The following CRACD variants were observed in gnomAD, a reference collection of about 807,000 sequenced individuals.
CRACD encodes capping protein-inhibiting regulator of actin dynamics.
CRACD carries 56 observed loss-of-function variants against 106.8 expected under a neutral mutation model. That is an observed-to-expected ratio of 0.52 (90% confidence interval 0.42 to 0.66). The LOEUF (loss-of-function observed/expected upper bound fraction) is 0.66, where lower values mean the gene tolerates loss of function less well. Among genes scored for constraint, CRACD ranks in the 30% least tolerant of loss-of-function variants. The probability of loss-of-function intolerance (pLI) is 0.00; values close to 1 mark genes in which losing one functional copy is unlikely to be tolerated. For missense variants in CRACD, 1,730 were observed against 1,623.2 expected (o/e 1.07, Z -1.13); for synonymous variants, 754 against 670.8 (o/e 1.12, Z -1.92).
chr4:56,153,200 G>T (rs770397437), intron 1 of CRACD, among the ~76,000 whole-genome samples: 5 of 151,860 alleles, frequency 3.3e-5, no homozygotes, highest in Non-Finnish European at 7.4e-5. Flanking sequence ...AATCGCCTGA[G>T]CCTAGGAGGC....
chr4:56,077,892 G>T (rs1351115795), intron 1 of CRACD, among the ~76,000 whole-genome samples: 1 of 152,150 alleles, frequency 6.6e-6, no homozygotes, highest in Non-Finnish European at 1.5e-5. Context: ...CAGCTGCTTT[G>T]CCTGCAGGTA....
intron 1 of CRACD, among the ~76,000 whole-genome samples, chr4:56,111,827 T>A (rs941392358): frequency 6.6e-6 from 1 of 152,214 alleles, no homozygotes; most frequent in Non-Finnish European, 1.5e-5. Context: ...CTGAAAAGTT[T>A]GAAATATTAA....
intron 1 of CRACD, among the ~76,000 whole-genome samples, chr4:56,075,222 C>T (rs1732799763): frequency 6.6e-6 from 1 of 151,930 alleles, no homozygotes; most frequent in Non-Finnish European, 1.5e-5. Context: ...GGGAGGAGTC[C>T]CTCTTTTTCT....
At chr4:56,091,384 G>A (rs1426965905) in intron 1 of CRACD, among the ~76,000 whole-genome samples, 26 of 147,436 alleles carry the variant, frequency 1.8e-4, no homozygotes, top group South Asian at 8.7e-4. Context: ...TTTTTTAAAC[G>A]CAGGCATATG....
chr4:56,140,401 A>G (rs1735152314), intron 1 of CRACD, among the ~76,000 whole-genome samples: 1 of 152,198 alleles, frequency 6.6e-6, no homozygotes, highest in Non-Finnish European at 1.5e-5. Context: ...ACCTTCTATT[A>G]GAGTTGTCCT....
At chr4:56,085,489 A>G (rs1271233033) in intron 1 of CRACD, among the ~76,000 whole-genome samples, 2 of 152,190 alleles carry the variant, frequency 1.3e-5, no homozygotes, top group East Asian at 3.8e-4. Context: ...TGTAGGCTCA[A>G]AAACATCTCT....
chr4:56,093,153 G>T (rs1733480772), intron 1 of CRACD, among the ~76,000 whole-genome samples: 1 of 152,156 alleles, frequency 6.6e-6, no homozygotes, highest in African/African-American at 2.4e-5. Context: ...TCTGTTAAAT[G>T]AGACCCATAA....
intron 2 of CRACD, among the ~76,000 whole-genome samples, chr4:56,216,785 C>T (rs1463863368): frequency 1.0e-4 from 15 of 150,670 alleles, no homozygotes; most frequent in Non-Finnish European, 1.5e-5. Context: ...TCGAGACCAT[C>T]CTGGCTAACA....
intron 2 of CRACD, among the ~76,000 whole-genome samples, chr4:56,244,633 G>A (rs540530212): frequency 3.3e-5 from 5 of 152,200 alleles, no homozygotes; most frequent in Admixed American, 2.0e-4. Context: ...AGACTCCCAC[G>A]TGCGTCCCAT....
At chr4:56,140,716 A>G (rs1015499772) in intron 1 of CRACD, among the ~76,000 whole-genome samples, 5 of 152,188 alleles carry the variant, frequency 3.3e-5, no homozygotes, top group African/African-American at 1.2e-4. Context: ...AGTTCTTTGA[A>G]ACATCCGCTT....
At chr4:56,144,132 G>A (rs1577690680) in intron 1 of CRACD, among the ~76,000 whole-genome samples, 1 of 152,242 alleles carries the variant, frequency 6.6e-6, no homozygotes, top group Middle Eastern at 3.4e-3. Flanking sequence ...AAGACCTACA[G>A]GTGAGGGAGC....
Position 56,328,560 on chromosome 4 carries a change from G to A in CRACD, c.*756G>A. Reference sequence around the variant, plus strand: ...TGAAGAAAGACAATTCTAGATCAGAGCTACAAGTTCACTTTCTGTCTCTGA... The same window carrying A: ...TGAAGAAAGACAATTCTAGATCAGAACTACAAGTTCACTTTCTGTCTCTGA... On this transcript the variant is annotated 3_prime_UTR_variant, in exon 11 of 11. Coordinates refer to ENST00000682029, the MANE Select transcript of CRACD (RefSeq NM_001393381.1). 2.8e-6 allele frequency: 1 copy of A among 358,038 alleles called. No individual in the cohort carries two copies. The highest frequency in any genetic ancestry group is 5.5e-6 in the Non-Finnish European group (1 of 182,418). 22.2% of individuals were successfully genotyped at this position (358,038 alleles called of 1,614,324 possible). A position where few individuals can be genotyped will look rare whatever the true frequency, so the allele number is the denominator to read the frequency against.
intron 2 of CRACD, among the ~76,000 whole-genome samples, chr4:56,214,317 G>T (rs73240527): frequency 2.0e-5 from 3 of 151,956 alleles, no homozygotes; most frequent in Non-Finnish European, 4.4e-5. Flanking sequence ...AATATAGGCC[G>T]GGTGCGATGG....
At chr4:56,228,692 C>G (rs967788831) in intron 2 of CRACD, among the ~76,000 whole-genome samples, 2 of 150,786 alleles carry the variant, frequency 1.3e-5, no homozygotes, top group Non-Finnish European at 2.9e-5. Flanking sequence ...GCGGAGAAAT[C>G]GGAGAGAAGG....
At position 56,307,622 on chromosome 4, in the gene CRACD, G is replaced by C; in HGVS notation, c.208G>C (p.Glu70Gln). 1 of 1,614,200 alleles carries C rather than the reference G, an allele frequency of 6.2e-7. No homozygotes were observed. Among genetic ancestry groups the C allele is most frequent in the Non-Finnish European group, 8.5e-7 (1 of 1,180,040 alleles). ...GGCAAACAGTGGAGAGGCTAGCTTA[G>C]AAGAGGATCTGTTCCTGACCAGTCC... ...NKANSGEASL[E>Q]EDLFLTSPME... Residue 70 changes from glutamate to glutamine, a missense_variant, in exon 5 of 11, where the codon GAA (glutamate) becomes CAA (glutamine). Around this residue, in one of 5 missense-constraint regions of CRACD, gnomAD observed 1,620 missense variants for 1,481.6 expected, o/e 1.09. Coordinates refer to ENST00000682029, the MANE Select transcript of CRACD (RefSeq NM_001393381.1).
At chr4:56,158,094 A>G (rs544518537) in intron 1 of CRACD, among the ~76,000 whole-genome samples, 2 of 152,358 alleles carry the variant, frequency 1.3e-5, no homozygotes, top group East Asian at 1.9e-4. Flanking sequence ...ATACATATGC[A>G]TGGATGCATT....
At chr4:56,298,087 T>C (rs1041289606) in intron 3 of CRACD, 127 bp from the exon 4 acceptor site, 3 of 1,045,724 alleles carry the variant, frequency 2.9e-6, no homozygotes, top group Non-Finnish European at 4.2e-6. Context: ...AGGGACACAA[T>C]GCTGAAAGTG....
intron 2 of CRACD, among the ~76,000 whole-genome samples, chr4:56,249,630 A>G (rs1018900186): frequency 1.3e-5 from 2 of 152,202 alleles, no homozygotes; most frequent in Admixed American, 6.5e-5. Context: ...TTCAAAGACT[A>G]TGAAAGCCTC....
chr4:56,141,085 G>A (rs1272532027), intron 1 of CRACD, among the ~76,000 whole-genome samples: 2 of 152,212 alleles, frequency 1.3e-5, no homozygotes, highest in South Asian at 4.1e-4. Context: ...GAGAAGCCAT[G>A]AGGCTTAGCT....
Sources: gnomAD v4.1 joint callset for allele counts (sites outside exome capture counted in the v4.1 genomes callset) on GRCh38, gnomAD v4.1.1 for gene constraint, gnomAD v4.1.1 regional missense constraint, MANE v1.5 for transcripts, NCBI Gene and HGNC (gene_info 2026-07-23, HGNC 2026-07-21) for gene names.